Variants in SLC14A2 observed in about 807,000 individuals in gnomAD.
SLC14A2 encodes the protein solute carrier family 14 member 2, also known as urea transporter 2.
A neutral mutation model predicts 104.6 loss-of-function variants in SLC14A2; 91 were observed. That is an observed-to-expected ratio of 0.87 (90% CI 0.73 to 1.04). The LOEUF (loss-of-function observed/expected upper bound fraction) is 1.04. Ranked by LOEUF, SLC14A2 falls within the 50% of genes least tolerant of loss-of-function variation. The probability of loss-of-function intolerance (pLI) is 0.00; values close to 1 mark genes in which losing one functional copy is unlikely to be tolerated. For missense variants in SLC14A2, 1,189 were observed against 1,156.0 expected (o/e 1.03, Z -0.41); for synonymous variants, 476 against 466.4 (o/e 1.02, Z -0.27).
At chr18:45,433,007 C>T (rs894536761) in intron 1 of SLC14A2, among the ~76,000 whole-genome samples, 1 of 152,166 alleles carries the variant, frequency 6.6e-6, no homozygotes, top group Non-Finnish European at 1.5e-5. Context: ...TTCTGTCCTC[C>T]TCTAAATTCT....
At chr18:45,513,808 C>A (rs117888867) in intron 2 of SLC14A2, among the ~76,000 whole-genome samples, 1 of 152,152 alleles carries the variant, frequency 6.6e-6, no homozygotes, top group Non-Finnish European at 1.5e-5. Flanking sequence ...ACTGTACCGA[C>A]TCAGACCCAT....
intron 2 of SLC14A2, among the ~76,000 whole-genome samples, chr18:45,488,361 T>C (rs1421183): frequency 0.074 from 11,316 of 152,200 alleles, 550 homozygotes; most frequent in East Asian, 0.21. Flanking sequence ...GAAGTGGCAT[T>C]GGCAGAGGCT....
At chr18:45,542,051 T>G (rs776625212) in intron 2 of SLC14A2, among the ~76,000 whole-genome samples, 8,378 of 121,572 alleles carry the variant, frequency 0.069, 463 homozygotes, top group African/African-American at 0.14. Flanking sequence ...TTTTTTTTTT[T>G]TTTTTTTTTT....
chr18:45,403,767 A>AATGAATGAATGG (rs1165903222), intron 1 of SLC14A2, among the ~76,000 whole-genome samples: 4 of 150,052 alleles, frequency 2.7e-5, no homozygotes, highest in Non-Finnish European at 4.4e-5. Flanking sequence ...GTGATGAATG[A>AATGAATGAATGG]ATGAATGAAT....
At chr18:45,480,553 A>G (rs1257750334) in intron 1 of SLC14A2, among the ~76,000 whole-genome samples, 3 of 152,256 alleles carry the variant, frequency 2.0e-5, no homozygotes, top group African/African-American at 7.2e-5. Context: ...TACAATGACC[A>G]GCCATCTCTG....
intron 2 of SLC14A2, among the ~76,000 whole-genome samples, chr18:45,609,669 C>T (rs976940167): frequency 6.6e-6 from 1 of 152,224 alleles, no homozygotes; most frequent in Non-Finnish European, 1.5e-5. Context: ...TGTCTCTCCT[C>T]TCTATTCTCT....
chr18:45,314,057 G>A (rs1261717823), intron 1 of SLC14A2, among the ~76,000 whole-genome samples: 1 of 152,194 alleles, frequency 6.6e-6, no homozygotes, highest in Non-Finnish European at 1.5e-5. Flanking sequence ...ACAAGCACAG[G>A]CCTGACACAG....
At chr18:45,554,292 TGGG>T (rs965807173) in intron 2 of SLC14A2, among the ~76,000 whole-genome samples, 1 of 151,960 alleles carries the variant, frequency 6.6e-6, no homozygotes, top group Non-Finnish European at 1.5e-5. Context: ...GAAAGGGAGT[TGGG>T]GGGAAGAAGG....
intron 1 of SLC14A2, among the ~76,000 whole-genome samples, chr18:45,437,987 T>G (rs1193922884): frequency 6.6e-6 from 1 of 152,202 alleles, no homozygotes; most frequent in Non-Finnish European, 1.5e-5. Flanking sequence ...TGCCCTTCTA[T>G]CTACAGTCAT....
intron 5 of SLC14A2, among the ~76,000 whole-genome samples, chr18:45,632,925 C>G (rs940498041): frequency 6.6e-6 from 1 of 152,226 alleles, no homozygotes; most frequent in Non-Finnish European, 1.5e-5. Flanking sequence ...GATCCACCTG[C>G]CTCGGCCTCC....
At position 45,394,425 on chromosome 18, in the gene SLC14A2, A is replaced by G. The variant is rs143910640; in HGVS notation, c.-124-88808A>G. Among the ~76,000 whole-genome samples, 481 of 152,332 alleles carry G rather than the reference A, an allele frequency of 3.2e-3. 3 individuals carry two copies. Among genetic ancestry groups the G allele is most frequent in the Middle Eastern group, 0.01 (3 of 294 alleles). ...AGGCTTCACAACAAATTAAATATAT[A>G]TGAAATTTGTAGCTTTCTTTGAAAC... On this transcript the variant is annotated intron_variant, in intron 1 of 20. Transcript: ENST00000586448.
At chr18:45,533,410 T>C (rs1236541609) in intron 2 of SLC14A2, among the ~76,000 whole-genome samples, 2 of 152,244 alleles carry the variant, frequency 1.3e-5, no homozygotes, top group East Asian at 1.9e-4. Flanking sequence ...TTCAACTTCT[T>C]CCTGGTTTAG....
chr18:45,305,305 T>A lies in SLC14A2; in HGVS notation c.-125+92114T>A, dbSNP rs76125156. ...GGGTGAGTCAAACCAATACAACTGT[T>A]TAATGTTATTACCACTTTCTGGCTG... On this transcript the variant is annotated intron_variant, in intron 1 of 20. Coordinates refer to the SLC14A2 transcript ENST00000586448. Among the ~76,000 whole-genome samples the A allele has an allele frequency of 7.4e-3, 1,124 of 152,290 alleles. 14 individuals are homozygous for A. The highest frequency in any genetic ancestry group is 0.025 in the African/African-American group (1,049 of 41,560).
At chr18:45,321,776 C>T (rs2085187746) in intron 1 of SLC14A2, among the ~76,000 whole-genome samples, 3 of 152,162 alleles carry the variant, frequency 2.0e-5, no homozygotes, top group Non-Finnish European at 4.4e-5. Context: ...GAGCAGTCAT[C>T]CACTATTTTT....
intron 1 of SLC14A2, among the ~76,000 whole-genome samples, chr18:45,382,421 T>G (rs2085848928): frequency 6.6e-6 from 1 of 152,152 alleles, no homozygotes; most frequent in South Asian, 2.1e-4. Context: ...TTTGAAAATA[T>G]AGGGGAAGAC....
chr18:45,304,037 G>A (rs1263649519), intron 1 of SLC14A2, among the ~76,000 whole-genome samples: 1 of 152,152 alleles, frequency 6.6e-6, no homozygotes, highest in East Asian at 1.9e-4. Context: ...ACAATATTCA[G>A]GGTTTATATT....
At chr18:45,285,240 G>A (rs1054366550) in intron 1 of SLC14A2, among the ~76,000 whole-genome samples, 2 of 152,154 alleles carry the variant, frequency 1.3e-5, no homozygotes, top group Non-Finnish European at 2.9e-5. Flanking sequence ...CTTGGAGATT[G>A]TATGGTCTAA....
At position 45,682,394 on chromosome 18, in the gene SLC14A2, G is replaced by A. The variant is rs3745009; in HGVS notation, c.2638G>A (p.Ala880Thr). ...CCTGCTCCTGACGACCAATAACCCCGCCATCTACAAGCTCCCGCTCAGCAA... is the reference window on the plus strand; with the variant it reads ...CCTGCTCCTGACGACCAATAACCCCACCATCTACAAGCTCCCGCTCAGCAA... ...TFLLLTTNNPAIYKLPLSKVT... is the reference protein window; with the variant it reads ...TFLLLTTNNPTIYKLPLSKVT... Residue 880 changes from alanine (A) to threonine (T), a missense_variant, in exon 20 of 20, where the codon GCC becomes ACC. Transcript: ENST00000255226. 0.44 allele frequency: 714,802 copies of A among 1,613,370 alleles called. 159,508 individuals carry two copies. The highest frequency in any genetic ancestry group is 0.49 in the South Asian group (44,887 of 91,050).
In SLC14A2 at chr18:45,295,754, T is replaced by C. The variant is rs62093668; in HGVS notation, c.-125+82563T>C. ...AATCACATTGGCTATGGGAACTATC[T>C]GAAGGACCCCAGAAGTGAGTGAAAG... On this transcript the variant is annotated intron_variant, in intron 1 of 20. Coordinates refer to the SLC14A2 transcript ENST00000586448. 6.7e-3 allele frequency among the ~76,000 whole-genome samples: 1,015 copies of C among 152,306 alleles called. 10 individuals carry two copies. Among genetic ancestry groups the C allele is most frequent in the Middle Eastern group, 0.041 (12 of 294 alleles).
Sources: gnomAD v4.1 joint callset for allele counts (sites outside exome capture counted in the v4.1 genomes callset) on GRCh38, gnomAD v4.1.1 for gene constraint, MANE v1.5 for transcripts, NCBI Gene and HGNC (gene_info 2026-07-23, HGNC 2026-07-21) for gene names.